Variants in MGAM observed in about 807,000 individuals in gnomAD.
MGAM encodes the protein maltase-glucoamylase, also known as alpha-1,4-glucosidase.
MGAM carries 253 observed loss-of-function variants against 358.8 expected under a neutral mutation model. The observed-to-expected ratio is 0.71, with a 90% CI of 0.64 to 0.78. MGAM has a LOEUF of 0.78. MGAM is among the 30% of genes least tolerant of loss of function. The probability of loss-of-function intolerance (pLI) is 0.00; values close to 1 mark genes in which losing one functional copy is unlikely to be tolerated. For missense variants in MGAM, 3,080 were observed against 3,432.6 expected (o/e 0.90, Z 2.57); for synonymous variants, 1,105 against 1,227.1 (o/e 0.90, Z 2.08).
rs1187051540 is a variant in MGAM at position 142,054,852 on chromosome 7, C to T, written c.3258C>T (p.Leu1086=). ...STPEGQLYDV[L]IKKNPFGIEI... is the part of the protein sequence containing the mutation. ...CTGAGGGTCAACTCTATGATGTGCT[C>T]ATTAAGAAGAATCCATTTGGGATTG... is the stretch of plus-strand genomic sequence containing the variant. Residue 1086 remains leucine, a synonymous_variant, in exon 27 of 71, where the codon CTC becomes CTT. Coordinates refer to ENST00000475668, the MANE Select transcript of MGAM (RefSeq NM_001365693.1). 3.1e-6 allele frequency: 5 copies of T among 1,613,928 alleles called. No individual in the cohort carries two copies. The South Asian group carries it at 5.5e-5, about 18-fold the overall frequency.
chr7:142,044,090 A>G (rs1457971579), intron 21 of MGAM, among the ~76,000 whole-genome samples: 1 of 143,422 alleles, frequency 7.0e-6, no homozygotes, highest in South Asian at 2.1e-4. Flanking sequence ...ATATACACAT[A>G]CGACGTATAA....
chr7:142,052,661 G>A, intron 25 of MGAM, 123 bp from the exon 26 acceptor site: 1 of 1,365,348 alleles, frequency 7.3e-7, no homozygotes, highest in Non-Finnish European at 1.0e-6. Flanking sequence ...TTATGTTATT[G>A]CCAAGTGATA....
In MGAM at chr7:142,068,518, T is replaced by C. The variant is rs1813043270; in HGVS notation, c.5005-129T>C. 3 of 733,746 alleles carry C rather than the reference T, an allele frequency of 4.1e-6. No homozygotes were observed. The Admixed American group carries it at 7.2e-5, about 18-fold the overall frequency. 45.5% of individuals were successfully genotyped at this position (733,746 alleles called of 1,614,324 possible). A position where few individuals can be genotyped will look rare whatever the true frequency, so the allele number is the denominator to read the frequency against. ...ACAGGAAGAAGGTTGCCCCAGTTGTTAACCTCTTGGGACATGAGGCAGCTG... is the reference window on the plus strand; with the variant it reads ...ACAGGAAGAAGGTTGCCCCAGTTGTCAACCTCTTGGGACATGAGGCAGCTG... On this transcript the variant is annotated intron_variant, in intron 42 of 70. Coordinates refer to ENST00000475668, the MANE Select transcript of MGAM (RefSeq NM_001365693.1).
At chr7:142,035,471 C>A (rs1386198290) in intron 16 of MGAM, among the ~76,000 whole-genome samples, 12 of 151,976 alleles carry the variant, frequency 7.9e-5, no homozygotes, top group Non-Finnish European at 1.2e-4. Context: ...ATTTATCTGA[C>A]AAAATTATGA....
At chr7:142,099,163 G>C (rs1329780060) in intron 66 of MGAM, among the ~76,000 whole-genome samples, 1 of 152,234 alleles carries the variant, frequency 6.6e-6, no homozygotes, top group Admixed American at 6.5e-5. Context: ...ACAACAGAGT[G>C]GGGGTGAGGA....
rs1186847866 is a variant in MGAM, at chr7:142,052,384, T to C, written c.2896T>C (p.Cys966Arg). Residue 966 changes from cysteine to arginine, a missense_variant, in exon 25 of 71, where the codon TGT becomes CGT. Transcript: ENST00000475668. ...IKIRDEEKIDCYPDENGASAE... is the reference protein window; with the variant it reads ...IKIRDEEKIDRYPDENGASAE... ...GATAAGGGATGAAGAAAAAATAGAC[T>C]GTTACCCTGATGAGAATGGTGCTTC... 4 of 1,613,066 alleles carry C rather than the reference T, an allele frequency of 2.5e-6. No individual in the cohort carries two copies. In the South Asian group the frequency reaches 4.4e-5, roughly 18 times the overall value.
chr7:142,029,235 C>T (rs146963428), intron 10 of MGAM, among the ~76,000 whole-genome samples: 2,881 of 152,148 alleles, frequency 0.019, 126 homozygotes, highest in East Asian at 0.16. Flanking sequence ...TGGCAGGTGC[C>T]TGTAATCCCA....
chr7:142,047,117 G>T (rs1279402173), intron 21 of MGAM, among the ~76,000 whole-genome samples: 1 of 152,116 alleles, frequency 6.6e-6, no homozygotes, highest in African/African-American at 2.4e-5. Flanking sequence ...AAACTGGGAG[G>T]TTGCTTAGAG....
chr7:142,088,838 T>TACC (rs1207378053), intron 57 of MGAM, among the ~76,000 whole-genome samples: 2 of 140,300 alleles, frequency 1.4e-5, no homozygotes, highest in Non-Finnish European at 1.6e-5. Context: ...TCTATCTATC[T>TACC]ATCTATCTAT....
Position 142,021,756 on chromosome 7 carries a change from T to C in MGAM, c.710+19T>C. 6.2e-7 allele frequency: 1 copy of C among 1,613,096 alleles called. No individual in the cohort carries two copies. Among genetic ancestry groups the C allele is most frequent in the Non-Finnish European group, 8.5e-7 (1 of 1,179,092 alleles). On this transcript the variant is annotated intron_variant, in intron 6 of 70. Transcript: ENST00000475668. ...GTGTTTTGTAAGTTTTGGAAACCTATCTAAGGATCAGAGTAGGAAGGTTAC... is the reference window on the plus strand; with the variant it reads ...GTGTTTTGTAAGTTTTGGAAACCTACCTAAGGATCAGAGTAGGAAGGTTAC...
At position 142,052,913 on chromosome 7, in the gene MGAM, T is replaced by C; in HGVS notation, c.3088T>C (p.Phe1030Leu). 1 of 1,613,906 alleles carries C rather than the reference T, an allele frequency of 6.2e-7. No homozygotes were observed. Among genetic ancestry groups the C allele is most frequent in the African/African-American group, 1.3e-5 (1 of 75,028 alleles). The stretch of plus-strand genomic sequence containing the variant: ...AAAGTCTTCCGTTTATGCCAATGCC[T>C]TCCCCTCCACACCCGTGAACCCCCT... Reference protein sequence around the residue: ...SLKSSVYANAFPSTPVNPLRL... With the variant: ...SLKSSVYANALPSTPVNPLRL... Residue 1030 changes from phenylalanine to leucine, a missense_variant, in exon 26 of 71, where the codon TTC (phenylalanine) becomes CTC (leucine). Around this residue, in one of 5 missense-constraint regions of MGAM, gnomAD observed 1,816 missense variants for 1,840.5 expected, o/e 0.99. Transcript: ENST00000475668.
intron 42 of MGAM, among the ~76,000 whole-genome samples, chr7:142,067,957 TATATATAAATATATATATATATATATA>T (rs1440171503): frequency 6.2e-4 from 22 of 35,500 alleles, no homozygotes; most frequent in African/African-American, 1.5e-3. Context: ...TATATATATA[TATATATAAATATATATATATATATATA>T]TATTTTTTTT....
In MGAM at chr7:142,030,758, G is replaced by A. The variant is rs2129003397; in HGVS notation, c.1470+1G>A. On this transcript the variant is annotated splice_donor_variant, in intron 12 of 70. Transcript: ENST00000475668. LOFTEE classifies it high-confidence loss of function. ...TGGAGTGACTCCACTCATTGGGGAG[G>A]TAACTTAATGGGAAGGCTGGAGGCT... 1 of 1,588,850 alleles carries A rather than the reference G, an allele frequency of 6.3e-7. No individual in the cohort carries two copies. Among genetic ancestry groups the A allele is most frequent in the East Asian group, 2.2e-5 (1 of 44,732 alleles).
upstream of MGAM, among the ~76,000 whole-genome samples, chr7:141,993,428 A>G (rs1363159612): frequency 6.6e-6 from 1 of 152,242 alleles, no homozygotes; most frequent in Non-Finnish European, 1.5e-5. Context: ...ATGACATGAA[A>G]TGATTCTGTC....
intron 26 of MGAM, 61 bp downstream of exon 26, chr7:142,053,045 T>G: frequency 1.9e-6 from 3 of 1,544,108 alleles, no homozygotes; most frequent in Non-Finnish European, 2.7e-6. Context: ...TACCTTTTAT[T>G]GGTCTGGATC....
At chr7:142,056,497 C>T (rs1811563741) in intron 29 of MGAM, among the ~76,000 whole-genome samples, 1 of 152,088 alleles carries the variant, frequency 6.6e-6, no homozygotes, top group African/African-American at 2.4e-5. Flanking sequence ...GTGAGGGATC[C>T]ATACCCTAAA....
intron 8 of MGAM, among the ~76,000 whole-genome samples, chr7:142,026,627 T>C (rs1033722707): frequency 2.0e-5 from 3 of 152,140 alleles, no homozygotes; most frequent in Non-Finnish European, 4.4e-5. Context: ...GATGTGATAG[T>C]CTTGTAACAC....
rs750927433 is a variant in MGAM, at chr7:142,102,610, A to G, written c.7964-20A>G. 23 of 1,611,092 alleles carry G rather than the reference A, an allele frequency of 1.4e-5. No homozygotes were observed. In the East Asian group the frequency reaches 4.2e-4, roughly 30 times the overall value. On this transcript the variant is annotated intron_variant, in intron 68 of 70. Coordinates refer to ENST00000475668, the MANE Select transcript of MGAM (RefSeq NM_001365693.1). ...TACAGCACAGGTCCAGGCCATGTTT[A>G]TCTTGTTTTTTGTTTGCAGATACCT... is the stretch of plus-strand genomic sequence containing the variant.
chr7:142,038,630 A>G lies in MGAM; in HGVS notation c.2316+15A>G, dbSNP rs10244836. 0.014 allele frequency: 22,447 copies of G among 1,585,178 alleles called. 2,388 individuals are homozygous for G. In the African/African-American group the frequency reaches 0.24, roughly 17 times the overall value. On this transcript the variant is annotated intron_variant, in intron 19 of 70. Transcript: ENST00000475668. ...TTCTGGATGAAGTAAGTGTTCCCAC[A>G]GAGATACACTAGAGATCTCTGCATC... is the stretch of plus-strand genomic sequence containing the variant.
Sources: gnomAD v4.1 joint callset for allele counts (sites outside exome capture counted in the v4.1 genomes callset) on GRCh38, gnomAD v4.1.1 for gene constraint, gnomAD v4.1.1 regional missense constraint, MANE v1.5 for transcripts, NCBI Gene and HGNC (gene_info 2026-07-23, HGNC 2026-07-21) for gene names.